Variants in KIF26B observed in about 807,000 individuals in gnomAD.
KIF26B encodes kinesin-like protein KIF26B.
Under a neutral mutation model 151.2 loss-of-function variants are expected in KIF26B, and 63 were observed. The ratio of observed to expected loss-of-function variants is 0.42; its 90% confidence interval spans 0.34 to 0.51. The LOEUF (loss-of-function observed/expected upper bound fraction) is 0.51, where lower values mean the gene tolerates loss of function less well. Among genes scored for constraint, KIF26B ranks in the 20% least tolerant of loss-of-function variants. The pLI is 0.07. For synonymous variants in KIF26B, 1,357 were observed against 1,262.1 expected (o/e 1.08, Z -1.59); for missense variants, 2,813 against 2,913.6 (o/e 0.97, Z 0.79).
chr1:245,437,691 T>G (rs1658970346), intron 4 of KIF26B, among the ~76,000 whole-genome samples: 1 of 152,168 alleles, frequency 6.6e-6, no homozygotes, highest in South Asian at 2.1e-4. Context: ...AAGTCCTAAC[T>G]TAAGTCCATT....
At chr1:245,590,312 C>T (rs1380744441) in intron 5 of KIF26B, among the ~76,000 whole-genome samples, 2 of 152,102 alleles carry the variant, frequency 1.3e-5, no homozygotes, top group Admixed American at 6.5e-5. Context: ...GGCTGGGCCC[C>T]GCGGGAGGGG....
chr1:245,260,133 A>G (rs1175894111), intron 2 of KIF26B, among the ~76,000 whole-genome samples: 1 of 151,986 alleles, frequency 6.6e-6, no homozygotes, highest in East Asian at 1.9e-4. Flanking sequence ...AGGTAACAGA[A>G]CACTGGTGGA....
chr1:245,336,705 T>C (rs1672241229), intron 2 of KIF26B, among the ~76,000 whole-genome samples: 1 of 152,222 alleles, frequency 6.6e-6, no homozygotes, highest in Admixed American at 6.5e-5. Context: ...CAACATGCTT[T>C]TTGACCTTCC....
At chr1:245,193,284 T>G (rs1375221525) in intron 2 of KIF26B, among the ~76,000 whole-genome samples, 1 of 152,262 alleles carries the variant, frequency 6.6e-6, no homozygotes, top group African/African-American at 2.4e-5. Flanking sequence ...CTACTGTTGA[T>G]TGGCATCTAG....
intron 2 of KIF26B, among the ~76,000 whole-genome samples, chr1:245,281,827 A>T (rs1405293704): frequency 6.6e-6 from 1 of 151,906 alleles, no homozygotes. Flanking sequence ...ACATATGGCT[A>T]GCCAGTTTTC....
chr1:245,487,669 C>CAGCTCACT (rs1660311355), intron 4 of KIF26B, among the ~76,000 whole-genome samples: 1 of 152,080 alleles, frequency 6.6e-6, no homozygotes, highest in South Asian at 2.1e-4. Context: ...GACACAATCT[C>CAGCTCACT]AGCTCACTGC....
intron 3 of KIF26B, among the ~76,000 whole-genome samples, chr1:245,389,953 C>T (rs1673645166): frequency 6.6e-6 from 1 of 152,174 alleles, no homozygotes. Flanking sequence ...CTCCACAGAC[C>T]ATCTGAGTCC....
At chr1:245,491,115 G>A (rs1660399981) in intron 4 of KIF26B, among the ~76,000 whole-genome samples, 2 of 152,008 alleles carry the variant, frequency 1.3e-5, no homozygotes, top group African/African-American at 2.4e-5. Flanking sequence ...AGAAATCACT[G>A]AACAGATTTA....
intron 4 of KIF26B, among the ~76,000 whole-genome samples, chr1:245,425,755 A>G (rs1658631505): frequency 6.6e-6 from 1 of 152,232 alleles, no homozygotes; most frequent in African/African-American, 2.4e-5. Context: ...TTTCATCTAC[A>G]TTCAGAGCAA....
intron 2 of KIF26B, among the ~76,000 whole-genome samples, chr1:245,336,002 G>C (rs1444962760): frequency 2.5e-5 from 3 of 120,428 alleles, no homozygotes; most frequent in African/African-American, 3.8e-5. Flanking sequence ...GCAGGGAAAG[G>C]AGAGTCCCAC....
At chr1:245,579,473 G>A (rs983990064) in intron 5 of KIF26B, among the ~76,000 whole-genome samples, 1 of 152,020 alleles carries the variant, frequency 6.6e-6, no homozygotes, top group African/African-American at 2.4e-5. Context: ...ACTCCAGCCT[G>A]AGCGACAGAG....
rs151087544 is a variant in KIF26B at position 245,660,440 on chromosome 1, C to T, written c.2258+14160C>T. ...AGCCTTGATCTCCCGGGCTCAACAG[C>T]GATCCTCCCACCTCAGCATCCTGAG... On this transcript the variant is annotated intron_variant, in intron 10 of 14. Transcript: ENST00000407071. Among the ~76,000 whole-genome samples, 519 of 150,748 alleles carry T rather than the reference C, an allele frequency of 3.4e-3. 2 individuals carry two copies. Among genetic ancestry groups the T allele is most frequent in the African/African-American group, 0.012 (479 of 40,974 alleles).
At chr1:245,549,450 G>A (rs541656961) in intron 5 of KIF26B, among the ~76,000 whole-genome samples, 55 of 152,284 alleles carry the variant, frequency 3.6e-4, no homozygotes, top group African/African-American at 1.1e-3. Flanking sequence ...CTGATATCAG[G>A]AGAATGGAAA....
intron 2 of KIF26B, among the ~76,000 whole-genome samples, chr1:245,359,406 C>A (rs1572021972): frequency 6.6e-6 from 1 of 152,142 alleles, no homozygotes; most frequent in Non-Finnish European, 1.5e-5. Context: ...TGATTCAAAT[C>A]GAACATCTAG....
At chr1:245,393,070 C>T (rs1196078594) in intron 3 of KIF26B, among the ~76,000 whole-genome samples, 2 of 152,070 alleles carry the variant, frequency 1.3e-5, no homozygotes, top group African/African-American at 4.8e-5. Context: ...ACTCGGGAGG[C>T]TGAGGCAGGA....
chr1:245,366,801 A>G, intron 2 of KIF26B, 33 bp from the exon 3 acceptor site: 1 of 1,602,528 alleles, frequency 6.2e-7, no homozygotes, highest in Non-Finnish European at 8.5e-7. Context: ...GGAGTTATAG[A>G]ATCTCCTCTC....
At chr1:245,314,312 C>T (rs916367091) in intron 2 of KIF26B, among the ~76,000 whole-genome samples, 8 of 151,976 alleles carry the variant, frequency 5.3e-5, no homozygotes, top group African/African-American at 1.9e-4. Flanking sequence ...ATTAGCCAGG[C>T]GTGGTGGTGG....
intron 4 of KIF26B, among the ~76,000 whole-genome samples, chr1:245,423,632 GA>G (rs1658550890): frequency 6.6e-6 from 1 of 152,134 alleles, no homozygotes; most frequent in Non-Finnish European, 1.5e-5. Flanking sequence ...GAAGCAGGAA[GA>G]GATAAGAGGT....
chr1:245,640,143 C>CTCTCTCTCTCTCTCTCTCTCTCTCTATA, intron 9 of KIF26B, among the ~76,000 whole-genome samples: 2 of 31,912 alleles, frequency 6.3e-5, no homozygotes, highest in Non-Finnish European at 1.2e-4. Flanking sequence ...CTCTCTCTCT[C>CTCTCTCTCTCTCTCTCTCTCTCTCTATA]TATATATATA....
Sources: allele counts gnomAD v4.1 joint callset (sites outside exome capture counted in the v4.1 genomes callset), GRCh38; gene constraint gnomAD v4.1.1; transcripts MANE v1.5; gene names NCBI Gene and HGNC (gene_info 2026-07-23, HGNC 2026-07-21).